The following GABRB1 variants were observed in gnomAD, a reference collection of about 807,000 sequenced individuals.
GABRB1 encodes gamma-aminobutyric acid receptor subunit beta-1.
GABRB1 carries 17 observed loss-of-function variants against 51.6 expected under a neutral mutation model. The observed-to-expected ratio is 0.33, with a 90% CI of 0.23 to 0.49. The LOEUF (loss-of-function observed/expected upper bound fraction) is 0.49, where lower values mean the gene tolerates loss of function less well. GABRB1 is among the 20% of genes least tolerant of loss of function. The probability of loss-of-function intolerance (pLI) is 0.99; values close to 1 mark genes in which losing one functional copy is unlikely to be tolerated. For synonymous variants in GABRB1, 247 were observed against 218.9 expected, an observed-to-expected ratio of 1.13 and a Z score of -1.14; for missense variants, 410 against 600.6, an observed-to-expected ratio of 0.68 and a Z score of 3.32.
At chr4:47,277,430 AT>A (rs144592309) in intron 4 of GABRB1, among the ~76,000 whole-genome samples, 10,505 of 152,078 alleles carry the variant, frequency 0.069, 676 homozygotes, top group African/African-American at 0.17. Flanking sequence ...GAAAGAATGA[AT>A]AAGACCTACT....
intron 3 of GABRB1, among the ~76,000 whole-genome samples, chr4:47,076,919 G>A (rs889654757): frequency 1.3e-5 from 2 of 152,050 alleles, no homozygotes; most frequent in East Asian, 1.9e-4. Flanking sequence ...TTTTCTCCTT[G>A]GCCCACTGCT....
rs1365531276 is a variant in GABRB1, at chr4:47,320,228, G to A, written c.544+19G>A. 2.0e-6 allele frequency: 3 copies of A among 1,477,630 alleles called. No individual in the cohort carries two copies. Among genetic ancestry groups the A allele is most frequent in the Admixed American group, 3.4e-5 (2 of 59,296 alleles). The allele number at this position is 1,477,630 out of a possible 1,614,324, so 91.5% of individuals were successfully genotyped here. On this transcript the variant is annotated intron_variant, in intron 5 of 8. Coordinates refer to ENST00000295454, the MANE Select transcript of GABRB1 (RefSeq NM_000812.4). ...GAAAGTTGTGAGTTACTTGGACAGG[G>A]GAATGAAAAAGAGGGATTCTTCCTT...
intron 3 of GABRB1, among the ~76,000 whole-genome samples, chr4:47,116,367 A>G (rs1372494): frequency 0.39 from 59,823 of 152,020 alleles, 12,110 homozygotes; most frequent in African/African-American, 0.46. Flanking sequence ...CTTACAAAGT[A>G]GTTGCCACAG....
intron 3 of GABRB1, among the ~76,000 whole-genome samples, chr4:47,115,622 G>A (rs544257888): frequency 1.3e-5 from 2 of 151,776 alleles, no homozygotes; most frequent in African/African-American, 4.8e-5. Context: ...CCTTAGTAAA[G>A]AGTCAACTGA....
In GABRB1 at chr4:47,032,158, ACACC is replaced by A. The variant is rs1223406972; in HGVS notation, c.172+155_172+158del. On this transcript the variant is annotated intron_variant, in intron 2 of 8. Transcript: ENST00000295454. ...CACACACACACACACACACACACAC[ACACC>A]CCGGGTCCCCAGTCTCAGGTGGATG... Among the ~76,000 whole-genome samples, 476 of 145,318 alleles carry A rather than the reference ACACC, an allele frequency of 3.3e-3. 2 individuals carry two copies. The highest frequency in any genetic ancestry group is 0.013 in the African/African-American group (465 of 36,758).
intron 3 of GABRB1, among the ~76,000 whole-genome samples, chr4:47,057,245 TGAGCCTTCAATCTTGTAAAAAAG>T (rs1453680389): frequency 2.6e-5 from 4 of 152,228 alleles, no homozygotes; most frequent in Non-Finnish European, 2.9e-5. Context: ...GTGTCTCTGC[TGAGCCTTCAATCTTGTAAAAAAG>T]GACATGGTAC....
chr4:47,116,822 A>G lies in GABRB1; in HGVS notation c.241-44427A>G, dbSNP rs1015265564. Among the ~76,000 whole-genome samples, 16 of 152,298 alleles carry G rather than the reference A, an allele frequency of 1.1e-4. No homozygotes were observed. The East Asian group carries it at 3.1e-3, about 29-fold the overall frequency. ...TCACAGTTCCACAGGCTGTACAGGA[A>G]GTATGATTGGGGAGGCTTCAGGGAA... On this transcript the variant is annotated intron_variant, in intron 3 of 8. Transcript: ENST00000295454.
intron 4 of GABRB1, among the ~76,000 whole-genome samples, chr4:47,284,121 G>C (rs1188542835): frequency 7.1e-6 from 1 of 141,510 alleles, no homozygotes; most frequent in African/African-American, 2.7e-5. Context: ...AAAAAAAAAA[G>C]GAAGTCCCAT....
chr4:47,297,369 A>C (rs975601018), intron 4 of GABRB1, among the ~76,000 whole-genome samples: 6 of 105,548 alleles, frequency 5.7e-5, no homozygotes, highest in African/African-American at 2.2e-4. Flanking sequence ...TAGCAAGACT[A>C]ATAAAGAAGA....
At chr4:47,421,105 A>ATCTTTGACTTCCTC (rs771806493) in intron 8 of GABRB1, among the ~76,000 whole-genome samples, 6 of 152,148 alleles carry the variant, frequency 3.9e-5, no homozygotes, top group Non-Finnish European at 5.9e-5. Flanking sequence ...ATGTTGACAT[A>ATCTTTGACTTCCTC]ACTCTATAGT....
intron 4 of GABRB1, among the ~76,000 whole-genome samples, chr4:47,319,649 A>G (rs1725004775): frequency 2.0e-5 from 3 of 152,230 alleles, no homozygotes; most frequent in Middle Eastern, 3.4e-3. Context: ...TGTACTATTC[A>G]TTTCTTGTAT....
intron 5 of GABRB1, among the ~76,000 whole-genome samples, chr4:47,333,918 G>C (rs955992766): frequency 6.6e-6 from 1 of 152,180 alleles, no homozygotes; most frequent in Non-Finnish European, 1.5e-5. Context: ...TTATTGCATT[G>C]ATTCCAAATC....
rs1728474703 is a variant in GABRB1 at position 47,403,651 on chromosome 4, A to G, written c.775A>G (p.Ile259Val). The G allele has an allele frequency of 1.9e-6, 3 of 1,613,870 alleles. No homozygotes were observed. The highest frequency in any genetic ancestry group is 1.3e-5 in the African/African-American group (1 of 75,064). ...QTYMPSTLIT[I>V]LSWVSFWINY... ...CTACATGCCTTCTACACTGATTACA[A>G]TTCTGTCCTGGGTGTCTTTTTGGAT... The change falls in exon 7 of 9, where the codon ATT (isoleucine) becomes GTT (valine). Residue 259 changes from isoleucine to valine, a missense_variant. Around this residue, in one of 5 missense-constraint regions of GABRB1, gnomAD observed 37 missense variants for 126.3 expected, o/e 0.29. Transcript: ENST00000295454.
In GABRB1 at chr4:47,066,649, T is replaced by C. The variant is rs543717787; in HGVS notation, c.240+34165T>C. 5.9e-5 allele frequency among the ~76,000 whole-genome samples: 9 copies of C among 152,330 alleles called. No homozygotes were observed. The South Asian group carries it at 1.5e-3, about 25-fold the overall frequency. On this transcript the variant is annotated intron_variant, in intron 3 of 8. Transcript: ENST00000295454. ...TAACTCCTCATCCATCCAAGTTTTA[T>C]CATGAGATTGCAACAATTCAGTCAC...
intron 3 of GABRB1, among the ~76,000 whole-genome samples, chr4:47,049,072 A>G (rs1726229986): frequency 6.6e-6 from 1 of 151,904 alleles, no homozygotes; most frequent in East Asian, 1.9e-4. Flanking sequence ...AGAAAAAAAA[A>G]AAAAAAACTG....
intron 4 of GABRB1, among the ~76,000 whole-genome samples, chr4:47,211,837 T>C (rs1720370023): frequency 6.6e-6 from 1 of 152,174 alleles, no homozygotes; most frequent in Non-Finnish European, 1.5e-5. Flanking sequence ...CTTCACATCA[T>C]ATCACTTTTT....
chr4:47,021,984 A>ATGCTT (rs1560498976), intron 1 of GABRB1, among the ~76,000 whole-genome samples: 2 of 152,108 alleles, frequency 1.3e-5, no homozygotes, highest in African/African-American at 4.8e-5. Context: ...ATTATGGCTT[A>ATGCTT]TTTAAAATAT....
intron 3 of GABRB1, among the ~76,000 whole-genome samples, chr4:47,065,285 G>C (rs556529014): frequency 3.3e-5 from 5 of 152,184 alleles, no homozygotes; most frequent in Admixed American, 6.5e-5. Context: ...TTCATCTCTT[G>C]CATAATAAAG....
chr4:47,283,941 A>C (rs1723401992), intron 4 of GABRB1, among the ~76,000 whole-genome samples: 1 of 151,942 alleles, frequency 6.6e-6, no homozygotes, highest in African/African-American at 2.4e-5. Flanking sequence ...AATCAAAGGC[A>C]AGTCCCGGGG....
Sources: allele counts gnomAD v4.1 joint callset (sites outside exome capture counted in the v4.1 genomes callset), GRCh38; gene constraint gnomAD v4.1.1; regional missense constraint gnomAD v4.1.1; transcripts MANE v1.5; gene names NCBI Gene and HGNC (gene_info 2026-07-23, HGNC 2026-07-21).